The following ROBO2 variants were observed in gnomAD, a reference collection of about 807,000 sequenced individuals.
ROBO2 encodes roundabout guidance receptor 2, also known as roundabout homolog 2.
ROBO2 carries 53 observed loss-of-function variants against 160.8 expected under a neutral mutation model. The ratio of observed to expected loss-of-function variants is 0.33; its 90% confidence interval spans 0.26 to 0.41. The LOEUF is 0.41. Ranked by LOEUF, ROBO2 falls within the 10% of genes least tolerant of loss-of-function variation. The pLI, the probability that ROBO2 is intolerant of heterozygous loss-of-function variation, is 1.00. For synonymous variants in ROBO2, 664 were observed against 611.7 expected, an observed-to-expected ratio of 1.09 and a Z score of -1.26; for missense variants, 1,577 against 1,722.4, an observed-to-expected ratio of 0.92 and a Z score of 1.49.
At chr3:76,801,963 T>A (rs1028896727) in intron 2 of ROBO2, among the ~76,000 whole-genome samples, 1 of 152,150 alleles carries the variant, frequency 6.6e-6, no homozygotes, top group African/African-American at 2.4e-5. Context: ...GATGAGGGGA[T>A]GGCTGGTCAG....
intron 2 of ROBO2, among the ~76,000 whole-genome samples, chr3:76,139,788 C>T (rs927678154): frequency 7.9e-5 from 12 of 152,094 alleles, no homozygotes; most frequent in Non-Finnish European, 1.2e-4. Flanking sequence ...CTCTCCTTTA[C>T]ATTTAACATG....
chr3:76,522,666 C>T (rs1462323605), intron 2 of ROBO2, among the ~76,000 whole-genome samples: 1 of 152,018 alleles, frequency 6.6e-6, no homozygotes, highest in Non-Finnish European at 1.5e-5. Flanking sequence ...ACTAAGATTC[C>T]ACTGAATGAT....
chr3:76,869,353 T>G (rs1044368159), intron 2 of ROBO2, among the ~76,000 whole-genome samples: 11 of 136,388 alleles, frequency 8.1e-5, no homozygotes, highest in African/African-American at 2.5e-4. Flanking sequence ...TTTTTTTTTT[T>G]TTTTTTTTTT....
At chr3:76,678,561 C>T (rs924996382) in intron 2 of ROBO2, among the ~76,000 whole-genome samples, 20 of 152,056 alleles carry the variant, frequency 1.3e-4, no homozygotes, top group African/African-American at 2.4e-4. Flanking sequence ...TTGTCTTTGA[C>T]GTTAAAGTTT....
At chr3:76,178,251 T>C (rs1220314754) in intron 2 of ROBO2, among the ~76,000 whole-genome samples, 1 of 152,158 alleles carries the variant, frequency 6.6e-6, no homozygotes, top group East Asian at 1.9e-4. Flanking sequence ...GATATAAAAG[T>C]TACTTTTCAA....
chr3:75,965,423 A>G (rs1949070656), intron 2 of ROBO2, among the ~76,000 whole-genome samples: 1 of 22,978 alleles, frequency 4.4e-5, no homozygotes, highest in South Asian at 1.8e-3. Context: ...TTACATGTGC[A>G]ATCACTATTG....
intron 2 of ROBO2, among the ~76,000 whole-genome samples, chr3:76,632,784 G>T (rs1042358971): frequency 3.4e-4 from 52 of 152,330 alleles, no homozygotes; most frequent in African/African-American, 1.3e-3. Flanking sequence ...ACATTGGGAT[G>T]TCTAATTTTT....
exon 19 of ROBO2, chr3:77,596,693 T>A: frequency 6.2e-7 from 1 of 1,613,994 alleles, no homozygotes; most frequent in Non-Finnish European, 8.5e-7. Context: ...AGCCACGAGC[T>A]TGCCAGTAAA....
intron 2 of ROBO2, among the ~76,000 whole-genome samples, chr3:76,339,579 T>A (rs988476737): frequency 3.3e-5 from 5 of 152,112 alleles, no homozygotes; most frequent in African/African-American, 1.2e-4. Context: ...TGTGTTAATT[T>A]CCTCTTCCAT....
At chr3:76,801,912 TG>T (rs1390357860) in intron 2 of ROBO2, among the ~76,000 whole-genome samples, 1 of 152,140 alleles carries the variant, frequency 6.6e-6, no homozygotes, top group African/African-American at 2.4e-5. Flanking sequence ...ATTTCAATAT[TG>T]TTTTGTCTCA....
chr3:76,731,343 A>G (rs1335237028), intron 2 of ROBO2, among the ~76,000 whole-genome samples: 1 of 152,200 alleles, frequency 6.6e-6, no homozygotes, highest in Non-Finnish European at 1.5e-5. Flanking sequence ...ACTGGGTACC[A>G]CAGAACTTCT....
At chr3:77,198,752 A>C in intron 2 of ROBO2, among the ~76,000 whole-genome samples, 1 of 152,102 alleles carries the variant, frequency 6.6e-6, no homozygotes, top group East Asian at 1.9e-4. Flanking sequence ...GATACAAAAA[A>C]ATTAGCCAGA....
intron 2 of ROBO2, among the ~76,000 whole-genome samples, chr3:76,734,672 G>T (rs1307843419): frequency 6.6e-6 from 1 of 152,142 alleles, no homozygotes; most frequent in African/African-American, 2.4e-5. Flanking sequence ...ATGCAAAGTT[G>T]TGCTTTGTCC....
intron 2 of ROBO2, among the ~76,000 whole-genome samples, chr3:77,285,348 A>G (rs527711748): frequency 1.1e-3 from 172 of 152,342 alleles, no homozygotes; most frequent in Non-Finnish European, 2.0e-3. Flanking sequence ...AGAAAACAAC[A>G]AAAGTGTTAA....
At chr3:77,033,033 T>C (rs1268076018) in intron 2 of ROBO2, among the ~76,000 whole-genome samples, 2 of 152,306 alleles carry the variant, frequency 1.3e-5, no homozygotes, top group East Asian at 1.9e-4. Flanking sequence ...TTGTAAACAA[T>C]TAAAATGTAC....
At chr3:77,266,944 C>T (rs991067179) in intron 2 of ROBO2, among the ~76,000 whole-genome samples, 1 of 152,016 alleles carries the variant, frequency 6.6e-6, no homozygotes, top group Non-Finnish European at 1.5e-5. Flanking sequence ...TTCCATTATC[C>T]AATTACATAG....
intron 2 of ROBO2, among the ~76,000 whole-genome samples, chr3:77,435,292 G>C (rs1007647708): frequency 1.3e-5 from 2 of 151,484 alleles, no homozygotes; most frequent in Admixed American, 1.3e-4. Context: ...AGAGATTGTA[G>C]ACGAAAAAAG....
At chr3:75,915,814 A>G (rs975292284) in intron 1 of ROBO2, among the ~76,000 whole-genome samples, 13 of 152,176 alleles carry the variant, frequency 8.5e-5, no homozygotes, top group African/African-American at 1.9e-4. Context: ...CTGCTGGCCT[A>G]TTTGTATATT....
intron 2 of ROBO2, among the ~76,000 whole-genome samples, chr3:77,176,832 T>A (rs1428026433): frequency 1.3e-5 from 2 of 151,998 alleles, no homozygotes; most frequent in Non-Finnish European, 2.9e-5. Flanking sequence ...TCAAGGGTTG[T>A]TTCTTATATA....
Sources: gnomAD v4.1 joint callset for allele counts (sites outside exome capture counted in the v4.1 genomes callset) on GRCh38, gnomAD v4.1.1 for gene constraint, MANE v1.5 for transcripts, NCBI Gene and HGNC (gene_info 2026-07-23, HGNC 2026-07-21) for gene names.